Variants in WWOX observed in about 807,000 individuals in gnomAD.
WWOX encodes WW domain containing oxidoreductase.
In WWOX, 69 loss-of-function variants were observed where a neutral mutation model predicts 46.2. The observed-to-expected ratio is 1.49, with a 90% CI of 1.23 to 1.82. WWOX has a LOEUF of 1.82. WWOX is among the 40% of genes most tolerant of loss of function. The pLI is 0.00. For synonymous variants in WWOX, 359 were observed against 202.6 expected (o/e 1.77, Z -6.56); for missense variants, 919 against 542.6 (o/e 1.69, Z -6.89).
At chr16:78,951,231 C>G (rs896444861) in intron 8 of WWOX, among the ~76,000 whole-genome samples, 3 of 152,222 alleles carry the variant, frequency 2.0e-5, no homozygotes, top group African/African-American at 7.2e-5. Flanking sequence ...CTCTGCATCT[C>G]TCAGCTGTAC....
chr16:78,746,032 G>A (rs1416225535), intron 8 of WWOX, among the ~76,000 whole-genome samples: 4 of 152,178 alleles, frequency 2.6e-5, no homozygotes, highest in Non-Finnish European at 4.4e-5. Flanking sequence ...CATCCACAAG[G>A]AGAGGTGGAG....
intron 8 of WWOX, among the ~76,000 whole-genome samples, chr16:78,669,671 G>T (rs545572622): frequency 1.3e-5 from 2 of 152,274 alleles, no homozygotes; most frequent in South Asian, 4.1e-4. Context: ...TGTTCCAAAA[G>T]TATTATAATT....
chr16:78,306,814 A>G (rs374363737), intron 5 of WWOX, among the ~76,000 whole-genome samples: 18 of 151,226 alleles, frequency 1.2e-4, no homozygotes, highest in African/African-American at 4.4e-4. Flanking sequence ...ATTCCTTCCC[A>G]CAATTCCCTG....
chr16:78,549,623 T>G (rs772528380), intron 8 of WWOX, among the ~76,000 whole-genome samples: 1 of 152,164 alleles, frequency 6.6e-6, no homozygotes, highest in Non-Finnish European at 1.5e-5. Flanking sequence ...GTTAGGAGAT[T>G]AGGCTGCTAA....
At chr16:78,700,473 T>G (rs369263907) in intron 8 of WWOX, among the ~76,000 whole-genome samples, 3 of 152,092 alleles carry the variant, frequency 2.0e-5, no homozygotes, top group Non-Finnish European at 4.4e-5. Context: ...GTTTAACATA[T>G]GCATTTGGAA....
intron 5 of WWOX, among the ~76,000 whole-genome samples, chr16:78,213,133 C>T (rs2036610489): frequency 6.6e-6 from 1 of 151,676 alleles, no homozygotes; most frequent in African/African-American, 2.4e-5. Flanking sequence ...CACCTGTAAT[C>T]CCAGCTACTC....
intron 8 of WWOX, chr16:78,535,435 A>T (rs896292008): frequency 6.6e-6 from 1 of 152,208 alleles, no homozygotes; most frequent in East Asian, 1.9e-4. Context: ...CTATTTCTGT[A>T]AAGAGAAGGC....
At chr16:78,922,219 A>G (rs1324514671) in intron 8 of WWOX, among the ~76,000 whole-genome samples, 1 of 152,022 alleles carries the variant, frequency 6.6e-6, no homozygotes, top group African/African-American at 2.4e-5. Context: ...CCTAAGCAAT[A>G]TTGTTGGTCC....
intron 8 of WWOX, among the ~76,000 whole-genome samples, chr16:78,503,434 A>T (rs569527037): frequency 6.6e-6 from 1 of 151,488 alleles, no homozygotes; most frequent in South Asian, 2.1e-4. Context: ...GAATTTAAAT[A>T]TAATTCCTTA....
chr16:78,816,781 G>C (rs2051341698), intron 8 of WWOX, among the ~76,000 whole-genome samples: 1 of 151,402 alleles, frequency 6.6e-6, no homozygotes, highest in South Asian at 2.1e-4. Flanking sequence ...AGTTTTTTTT[G>C]GTTTCTTGAG....
intron 8 of WWOX, among the ~76,000 whole-genome samples, chr16:78,972,015 C>T (rs574973991): frequency 3.9e-5 from 6 of 152,088 alleles, no homozygotes; most frequent in Admixed American, 1.3e-4. Flanking sequence ...CTGTTTACTC[C>T]GAAACTTCTT....
intron 8 of WWOX, among the ~76,000 whole-genome samples, chr16:78,590,873 C>T (rs1050466285): frequency 5.3e-5 from 8 of 152,108 alleles, no homozygotes; most frequent in Non-Finnish European, 2.9e-5. Flanking sequence ...CAGACTCCAG[C>T]GTTTAGACAA....
chr16:78,237,701 AG>A (rs2037490175), intron 5 of WWOX: 2 of 152,350 alleles, frequency 1.3e-5, no homozygotes, highest in African/African-American at 4.8e-5. Flanking sequence ...AAGAATAAAG[AG>A]GAGAATATTA....
At chr16:78,539,605 A>T (rs369837006) in intron 8 of WWOX, among the ~76,000 whole-genome samples, 6 of 152,322 alleles carry the variant, frequency 3.9e-5, no homozygotes, top group African/African-American at 1.4e-4. Flanking sequence ...GAATTTCCCG[A>T]TTCTCTTCCA....
chr16:78,184,606 A>G (rs2035638589), intron 5 of WWOX, among the ~76,000 whole-genome samples: 1 of 152,082 alleles, frequency 6.6e-6, no homozygotes, highest in African/African-American at 2.4e-5. Flanking sequence ...TTCTGCTCTC[A>G]TTACAGATGC....
intron 8 of WWOX, among the ~76,000 whole-genome samples, chr16:78,678,341 A>G (rs1284625611): frequency 6.6e-6 from 1 of 152,204 alleles, no homozygotes; most frequent in Non-Finnish European, 1.5e-5. Context: ...GGGCCACTGC[A>G]CTTCAGCCTG....
intron 5 of WWOX, among the ~76,000 whole-genome samples, chr16:78,213,922 G>C (rs868015515): frequency 1.3e-4 from 20 of 152,176 alleles, no homozygotes; most frequent in Admixed American, 1.3e-3. Context: ...GACCTGTCCG[G>C]GGTGTGAGCA....
At chr16:78,464,627 G>C (rs371112898) in intron 8 of WWOX, among the ~76,000 whole-genome samples, 12 of 152,314 alleles carry the variant, frequency 7.9e-5, no homozygotes, top group African/African-American at 2.6e-4. Context: ...TTTGAAGGCA[G>C]ATCTGTCTGC....
Position 78,432,495 on chromosome 16 carries a change from G to C in WWOX, c.799G>C (p.Asp267His). Residue 267 changes from aspartate to histidine, a missense_variant, in exon 8 of 9, where the codon GAT (aspartate) becomes CAT (histidine). Coordinates refer to ENST00000566780, the MANE Select transcript of WWOX (RefSeq NM_016373.4). ...VVSSESHRFT[D>H]INDSLGKLDF... ...ATATTTCCTATTTTTAAGATTTACA[G>C]ATATTAACGACTCCTTGGGAAAACT... The C allele has an allele frequency of 6.2e-7, 1 of 1,609,338 alleles. No individual in the cohort carries two copies. The highest frequency in any genetic ancestry group is 8.5e-7 in the Non-Finnish European group (1 of 1,177,328).
Sources: allele counts gnomAD v4.1 joint callset (sites outside exome capture counted in the v4.1 genomes callset), GRCh38; gene constraint gnomAD v4.1.1; transcripts MANE v1.5; gene names NCBI Gene and HGNC (gene_info 2026-07-23, HGNC 2026-07-21).